Variants in HS3ST4 observed in about 807,000 individuals in gnomAD.
HS3ST4 encodes the protein heparan sulfate-glucosamine 3-sulfotransferase 4, also known as heparan sulfate glucosamine 3-O-sulfotransferase 4.
HS3ST4 carries 17 observed loss-of-function variants against 29.2 expected under a neutral mutation model. That is an observed-to-expected ratio of 0.58 (90% CI 0.40 to 0.87). The LOEUF (loss-of-function observed/expected upper bound fraction) is 0.87, where lower values mean the gene tolerates loss of function less well. Ranked by LOEUF, HS3ST4 falls within the 40% of genes least tolerant of loss-of-function variation. The pLI is 0.00. For missense variants in HS3ST4, 627 were observed against 634.5 expected (o/e 0.99, Z 0.13); for synonymous variants, 314 against 285.7 (o/e 1.10, Z -1.00).
chr16:26,105,776 T>G (rs992487295), intron 1 of HS3ST4, among the ~76,000 whole-genome samples: 4 of 152,380 alleles, frequency 2.6e-5, no homozygotes, highest in Admixed American at 2.0e-4. Flanking sequence ...CTTGCTTTCT[T>G]ACTTCTGCAT....
At chr16:25,882,441 CA>C (rs1362444408) in intron 1 of HS3ST4, among the ~76,000 whole-genome samples, 2 of 152,152 alleles carry the variant, frequency 1.3e-5, no homozygotes, top group Non-Finnish European at 2.9e-5. Flanking sequence ...AGGGCTATGT[CA>C]GCTTCATGGC....
rs561521578 is a variant in HS3ST4 at position 25,828,008 on chromosome 16, CA to C, written c.734+134858del. On this transcript the variant is annotated intron_variant, in intron 1 of 1. Transcript: ENST00000331351. ...TTTTTTTTAACTTCTATTTTAGGGT[CA>C]GGGGCACATGAGTAGATTTCTGATA... Among the ~76,000 whole-genome samples the C allele has an allele frequency of 8.2e-3, 1,252 of 151,992 alleles. 7 individuals are homozygous for C. Among genetic ancestry groups the C allele is most frequent in the Non-Finnish European group, 0.013 (885 of 67,982 alleles).
intron 1 of HS3ST4, among the ~76,000 whole-genome samples, chr16:26,133,673 A>C (rs1898242131): frequency 6.6e-6 from 1 of 152,196 alleles, no homozygotes; most frequent in African/African-American, 2.4e-5. Context: ...ATAGCTCAAA[A>C]CCCAGTTGCA....
chr16:25,794,731 A>G (rs1416957220), intron 1 of HS3ST4, among the ~76,000 whole-genome samples: 1 of 151,762 alleles, frequency 6.6e-6, no homozygotes, highest in Non-Finnish European at 1.5e-5. Context: ...ATTGTTTTCT[A>G]TGTATTCTTA....
chr16:25,735,997 A>G (rs1173374855), intron 1 of HS3ST4, among the ~76,000 whole-genome samples: 1 of 152,194 alleles, frequency 6.6e-6, no homozygotes, highest in African/African-American at 2.4e-5. Context: ...TTCTTTGTTT[A>G]TTATCTTGTA....
chr16:26,067,330 A>G (rs1422189047), intron 1 of HS3ST4, among the ~76,000 whole-genome samples: 1 of 152,170 alleles, frequency 6.6e-6, no homozygotes, highest in Non-Finnish European at 1.5e-5. Context: ...TTTTGAATGC[A>G]TAATCTGAGC....
chr16:25,893,724 G>C (rs1968033002), intron 1 of HS3ST4, among the ~76,000 whole-genome samples: 1 of 152,216 alleles, frequency 6.6e-6, no homozygotes. Flanking sequence ...GCATGAAATG[G>C]TAATTTTTCA....
At chr16:26,073,401 G>T (rs1280337590) in intron 1 of HS3ST4, among the ~76,000 whole-genome samples, 3 of 151,954 alleles carry the variant, frequency 2.0e-5, no homozygotes, top group South Asian at 2.1e-4. Context: ...CTGTGACAGG[G>T]TCTCACTCTG....
intron 1 of HS3ST4, among the ~76,000 whole-genome samples, chr16:25,867,742 A>G (rs1459880428): frequency 6.6e-6 from 1 of 152,184 alleles, no homozygotes; most frequent in Non-Finnish European, 1.5e-5. Flanking sequence ...GGTTGAAGGA[A>G]TATTGACATC....
chr16:26,126,527 A>T (rs1899344743), intron 1 of HS3ST4, among the ~76,000 whole-genome samples: 1 of 152,232 alleles, frequency 6.6e-6, no homozygotes, highest in Non-Finnish European at 1.5e-5. Context: ...AGGCAGAGAC[A>T]GGCTAAGTAA....
chr16:25,718,949 A>G (rs1016081476), intron 1 of HS3ST4, among the ~76,000 whole-genome samples: 1 of 152,234 alleles, frequency 6.6e-6, no homozygotes, highest in African/African-American at 2.4e-5. Flanking sequence ...GCAAAGACAT[A>G]GGAGGACAAT....
chr16:26,008,293 TG>T (rs1485817041), intron 1 of HS3ST4, among the ~76,000 whole-genome samples: 5 of 152,264 alleles, frequency 3.3e-5, no homozygotes, highest in Non-Finnish European at 7.3e-5. Flanking sequence ...GGAGATTTAT[TG>T]GGGGGTGTAA....
intron 1 of HS3ST4, among the ~76,000 whole-genome samples, chr16:25,749,539 A>C (rs954342520): frequency 6.6e-5 from 10 of 152,110 alleles, no homozygotes; most frequent in Admixed American, 6.5e-4. Context: ...GAGGAAGAGG[A>C]AGAGGAAGAA....
chr16:26,021,189 A>T (rs1378471451), intron 1 of HS3ST4, among the ~76,000 whole-genome samples: 1 of 152,170 alleles, frequency 6.6e-6, no homozygotes, highest in East Asian at 1.9e-4. Context: ...TGTCTGGCAG[A>T]TTTATTTTAT....
At chr16:25,706,489 C>G (rs1966376920) in intron 1 of HS3ST4, among the ~76,000 whole-genome samples, 1 of 152,036 alleles carries the variant, frequency 6.6e-6, no homozygotes, top group African/African-American at 2.4e-5. Context: ...AGGTTTTAAG[C>G]CCGGCATGCA....
intron 1 of HS3ST4, among the ~76,000 whole-genome samples, chr16:26,099,794 T>A (rs1403979738): frequency 6.6e-6 from 1 of 151,986 alleles, no homozygotes; most frequent in Non-Finnish European, 1.5e-5. Context: ...CACACAGACA[T>A]ACACATGCAC....
intron 1 of HS3ST4, among the ~76,000 whole-genome samples, chr16:25,700,185 C>A (rs1372087975): frequency 2.0e-5 from 3 of 152,126 alleles, no homozygotes; most frequent in African/African-American, 7.2e-5. Flanking sequence ...GTAACTTGAG[C>A]TGAAGGAGGA....
intron 1 of HS3ST4, among the ~76,000 whole-genome samples, chr16:25,995,202 A>T (rs935355483): frequency 1.3e-5 from 2 of 152,162 alleles, no homozygotes; most frequent in Admixed American, 1.3e-4. Flanking sequence ...ATCTCTGTGA[A>T]ACATTAATCA....
chr16:25,774,601 C>T (rs966940196), intron 1 of HS3ST4, among the ~76,000 whole-genome samples: 2 of 152,218 alleles, frequency 1.3e-5, no homozygotes, highest in African/African-American at 4.8e-5. Context: ...TATGTCTATA[C>T]TTCACTTTCC....
Sources: allele counts gnomAD v4.1 joint callset (sites outside exome capture counted in the v4.1 genomes callset), GRCh38; gene constraint gnomAD v4.1.1; transcripts MANE v1.5; gene names NCBI Gene and HGNC (gene_info 2026-07-23, HGNC 2026-07-21).